The following EPHB1 variants were observed in gnomAD, a reference collection of about 807,000 sequenced individuals.
EPHB1 encodes EPH receptor B1.
EPHB1 carries 30 observed loss-of-function variants against 94.4 expected under a neutral mutation model. The observed-to-expected ratio is 0.32, with a 90% CI of 0.24 to 0.43. The LOEUF (loss-of-function observed/expected upper bound fraction) is 0.43, where lower values mean the gene tolerates loss of function less well. EPHB1 is among the 20% of genes least tolerant of loss of function. The pLI, the probability that EPHB1 is intolerant of heterozygous loss-of-function variation, is 1.00. For synonymous variants in EPHB1, 522 were observed against 489.1 expected, an observed-to-expected ratio of 1.07 and a Z score of -0.89; for missense variants, 1,055 against 1,308.3, an observed-to-expected ratio of 0.81 and a Z score of 2.99.
At chr3:135,108,814 G>T (rs1413923477) in intron 4 of EPHB1, among the ~76,000 whole-genome samples, 2 of 152,176 alleles carry the variant, frequency 1.3e-5, no homozygotes, top group African/African-American at 4.8e-5. Flanking sequence ...CCTAGGCCAG[G>T]TATGGAATGA....
In EPHB1 at chr3:134,951,298, T is replaced by C. The variant is rs1369249261; in HGVS notation, c.124-73T>C. Reference sequence around the variant, plus strand: ...CCTTAGCCCCAGGATTCTCCTCTGCTATGCCTATTTTTGTATTCTCACTCT... The same window carrying C: ...CCTTAGCCCCAGGATTCTCCTCTGCCATGCCTATTTTTGTATTCTCACTCT... On this transcript the variant is annotated intron_variant, in intron 2 of 15. Coordinates refer to ENST00000398015, the MANE Select transcript of EPHB1 (RefSeq NM_004441.5). This position sits in a 1 kb window ranked among gnomAD's most constrained non-coding sequence, Gnocchi z 4.5. The C allele has an allele frequency of 4.3e-6, 6 of 1,384,038 alleles. No homozygotes were observed. The highest frequency in any genetic ancestry group is 5.8e-6 in the Non-Finnish European group (6 of 1,035,760). The allele number at this position is 1,384,038 out of a possible 1,614,324, so 85.7% of individuals were successfully genotyped here.
chr3:134,926,759 A>G (rs61322201), intron 2 of EPHB1, among the ~76,000 whole-genome samples: 24,604 of 152,144 alleles, frequency 0.16, 3,137 homozygotes, highest in African/African-American at 0.35. Flanking sequence ...CCTGAGCAGG[A>G]GAAGGAAATG....
chr3:135,122,077 G>A (rs557252661), intron 4 of EPHB1, among the ~76,000 whole-genome samples: 52 of 152,322 alleles, frequency 3.4e-4, no homozygotes, highest in African/African-American at 1.1e-3. Flanking sequence ...TCAGTGGTTT[G>A]TGTGGCTGTT....
chr3:135,151,936 G>A (rs1376213291), intron 5 of EPHB1, among the ~76,000 whole-genome samples: 1 of 152,206 alleles, frequency 6.6e-6, no homozygotes, highest in Admixed American at 6.5e-5. Flanking sequence ...GAACAGCAGG[G>A]ACATGTTTTT....
chr3:135,112,901 G>T (rs1416953834), intron 4 of EPHB1, among the ~76,000 whole-genome samples: 1 of 152,116 alleles, frequency 6.6e-6, no homozygotes, highest in African/African-American at 2.4e-5. Flanking sequence ...CTTGCAAAAT[G>T]GTAAAAGAAG....
chr3:135,060,214 G>C (rs933633775), intron 3 of EPHB1, among the ~76,000 whole-genome samples: 1 of 152,092 alleles, frequency 6.6e-6, no homozygotes, highest in African/African-American at 2.4e-5. Context: ...GGTGACCATT[G>C]ATCCACTTTC....
chr3:135,138,301 A>C (rs1055567963), intron 5 of EPHB1, among the ~76,000 whole-genome samples: 2 of 152,336 alleles, frequency 1.3e-5, no homozygotes, highest in Non-Finnish European at 2.9e-5. Flanking sequence ...GCACTTTTGA[A>C]GTTCTTAGAC....
chr3:134,923,497 T>A (rs1333761033), intron 1 of EPHB1, among the ~76,000 whole-genome samples: 5 of 152,150 alleles, frequency 3.3e-5, no homozygotes. Flanking sequence ...TTGGCCCCCC[T>A]GCGGTTCCTG....
At chr3:135,128,698 C>G (rs746950010) in intron 4 of EPHB1, among the ~76,000 whole-genome samples, 2 of 152,134 alleles carry the variant, frequency 1.3e-5, no homozygotes, top group Non-Finnish European at 2.9e-5. Context: ...TATTAGTTTT[C>G]TCTCACTGGA....
intron 1 of EPHB1, among the ~76,000 whole-genome samples, chr3:134,885,833 AC>A (rs1367535843): frequency 3.9e-5 from 6 of 152,150 alleles, no homozygotes; most frequent in African/African-American, 1.4e-4. Flanking sequence ...CTCATGACAG[AC>A]TTTTGGAGAA....
intron 3 of EPHB1, among the ~76,000 whole-genome samples, chr3:134,971,442 T>A (rs1344896874): frequency 6.6e-6 from 1 of 152,168 alleles, no homozygotes; most frequent in African/African-American, 2.4e-5. Flanking sequence ...TAGGAGGAGC[T>A]TAGGGACAAC....
At chr3:134,816,083 GTTT>G (rs71624054) in intron 1 of EPHB1, among the ~76,000 whole-genome samples, 61 of 96,384 alleles carry the variant, frequency 6.3e-4, no homozygotes, top group African/African-American at 2.1e-3. Flanking sequence ...TTCTGTTTCT[GTTT>G]TTTTTTTTTT....
intron 1 of EPHB1, among the ~76,000 whole-genome samples, chr3:134,858,131 A>T (rs2037162793): frequency 6.7e-6 from 1 of 150,056 alleles, no homozygotes; most frequent in African/African-American, 2.5e-5. Context: ...CTTGCTCTCA[A>T]TGGCAAGTTT....
chr3:135,010,916 C>G (rs16842489), intron 3 of EPHB1, among the ~76,000 whole-genome samples: 4,488 of 152,242 alleles, frequency 0.029, 214 homozygotes, highest in African/African-American at 0.1. Context: ...AGTACTGCTG[C>G]TGCAAGAGCC....
rs573456399 is a variant in EPHB1 at position 135,185,112 on chromosome 3, TCTAGCAG to T, written c.1882+5135_1882+5141del. 3.7e-3 allele frequency among the ~76,000 whole-genome samples: 560 copies of T among 152,386 alleles called. 3 individuals are homozygous for T. Among genetic ancestry groups the T allele is most frequent in the African/African-American group, 0.013 (533 of 41,596 alleles). On this transcript the variant is annotated intron_variant, in intron 10 of 15. Transcript: ENST00000398015. ...CATGAATAAATATGTCTCCTCTGAC[TCTAGCAG>T]CTAGTGATTCAACATTTCCAGGAAT...
intron 3 of EPHB1, among the ~76,000 whole-genome samples, chr3:135,071,281 C>T (rs1937700533): frequency 6.6e-6 from 1 of 152,172 alleles, no homozygotes; most frequent in Non-Finnish European, 1.5e-5. Flanking sequence ...CTGGGAATAT[C>T]AGGGGAGACT....
chr3:135,254,078 T>C (rs1933253459), intron 15 of EPHB1, among the ~76,000 whole-genome samples: 1 of 106,570 alleles, frequency 9.4e-6, no homozygotes, highest in South Asian at 4.3e-4. Flanking sequence ...CCTGAGACTT[T>C]GCTGAAGTTG....
intron 4 of EPHB1, among the ~76,000 whole-genome samples, chr3:135,107,297 G>T (rs1939254030): frequency 6.6e-6 from 1 of 152,156 alleles, no homozygotes; most frequent in Admixed American, 6.5e-5. Flanking sequence ...CCAAAAACGG[G>T]GAAAGGCAGC....
chr3:134,799,054 G>C (rs911567389), intron 1 of EPHB1, among the ~76,000 whole-genome samples: 3 of 152,210 alleles, frequency 2.0e-5, no homozygotes, highest in African/African-American at 7.2e-5. Flanking sequence ...ATTTCTCAAG[G>C]GTTGACAAGT....
Sources: allele counts gnomAD v4.1 joint callset (sites outside exome capture counted in the v4.1 genomes callset), GRCh38; gene constraint gnomAD v4.1.1; non-coding constraint Gnocchi (gnomAD v3.1); transcripts MANE v1.5; gene names NCBI Gene and HGNC (gene_info 2026-07-23, HGNC 2026-07-21).